Variants in EPS15 observed in about 807,000 individuals in gnomAD.
EPS15 encodes epidermal growth factor receptor pathway substrate 15.
In EPS15, 72 loss-of-function variants were observed where a neutral mutation model predicts 113.8. The observed-to-expected ratio is 0.63, with a 90% CI of 0.52 to 0.77. The LOEUF is 0.77. Ranked by LOEUF, EPS15 falls within the 30% of genes least tolerant of loss-of-function variation. The pLI is 0.00. For synonymous variants in EPS15, 344 were observed against 363.4 expected (o/e 0.95, Z 0.61); for missense variants, 1,048 against 1,045.8 (o/e 1.00, Z -0.03).
At chr1:51,421,529 G>T (rs978244676) in intron 13 of EPS15, among the ~76,000 whole-genome samples, 5 of 152,030 alleles carry the variant, frequency 3.3e-5, no homozygotes, top group Admixed American at 3.3e-4. Context: ...TAATATGCAG[G>T]TAAGTACCAT....
intron 20 of EPS15, among the ~76,000 whole-genome samples, chr1:51,396,797 T>A (rs1043031102): frequency 2.0e-5 from 3 of 152,170 alleles, no homozygotes; most frequent in Non-Finnish European, 4.4e-5. Context: ...TTTTAAAAAT[T>A]TCCAGATTGT....
In EPS15 at chr1:51,356,284, A is replaced by G. The variant is rs951286279; in HGVS notation, c.*416T>C. 1.9e-4 allele frequency: 43 copies of G among 226,150 alleles called. No homozygotes were observed. The highest frequency in any genetic ancestry group is 2.2e-5 in the African/African-American group (1 of 44,966). The allele number at this position is 226,150 out of a possible 1,614,324, so 14.0% of individuals were successfully genotyped here. A position where few individuals can be genotyped will look rare whatever the true frequency, so the allele number is the denominator to read the frequency against. On this transcript the variant is annotated 3_prime_UTR_variant, in exon 25 of 25. Transcript: ENST00000371733. ...CCCTTACCCTCACTCAACCATTCCA[A>G]TCAGGGGAGAATACTGCAAACTTTA...
intron 13 of EPS15, 95 bp from the exon 14 acceptor site, chr1:51,409,791 T>G: frequency 5.0e-6 from 4 of 803,270 alleles, no homozygotes; most frequent in East Asian, 2.6e-5. Context: ...GAATAAAGTC[T>G]TACTGAGTAT....
At chr1:51,510,975 G>C (rs1042433727) in intron 1 of EPS15, among the ~76,000 whole-genome samples, 2 of 152,052 alleles carry the variant, frequency 1.3e-5, no homozygotes, top group African/African-American at 4.8e-5. Context: ...AGACCAGCCT[G>C]GCCAACATGG....
chr1:51,489,410 C>T (rs1203119184), intron 1 of EPS15, among the ~76,000 whole-genome samples: 1 of 151,318 alleles, frequency 6.6e-6, no homozygotes, highest in East Asian at 1.9e-4. Flanking sequence ...CAATCTCCGC[C>T]TCCCGGGTTC....
At chr1:51,428,085 ATT>A (rs1651377516) in intron 12 of EPS15, among the ~76,000 whole-genome samples, 1 of 152,008 alleles carries the variant, frequency 6.6e-6, no homozygotes, top group Non-Finnish European at 1.5e-5. Context: ...GAAATGATAT[ATT>A]TAAAGTGCTG....
intron 21 of EPS15, among the ~76,000 whole-genome samples, chr1:51,371,698 G>C (rs897481090): frequency 1.3e-5 from 2 of 152,066 alleles, no homozygotes; most frequent in African/African-American, 4.8e-5. Context: ...TATTATTGAA[G>C]AAAAATGTTT....
intron 21 of EPS15, among the ~76,000 whole-genome samples, chr1:51,374,460 C>T (rs776612137): frequency 2.4e-4 from 36 of 151,930 alleles, no homozygotes; most frequent in South Asian, 1.0e-3. Context: ...AAAAATTAGC[C>T]GGGCGTGGTG....
rs561892432 is a variant in EPS15 at position 51,363,222 on chromosome 1, C to T, written c.2359+644G>A. ...CTGAGGCAGGAGAATCCCTTGAATC[C>T]GGGAGGCTGAGGTTACAGTGAGCTG... On this transcript the variant is annotated intron_variant, in intron 23 of 24. Coordinates refer to ENST00000371733, the MANE Select transcript of EPS15 (RefSeq NM_001981.3). Among the ~76,000 whole-genome samples the T allele has an allele frequency of 5.4e-5, 8 of 147,922 alleles. No homozygotes were observed. In the South Asian group the frequency reaches 1.5e-3, roughly 28 times the overall value.
chr1:51,366,104 TCCACCCAGC>T, intron 21 of EPS15, 75 bp from the exon 22 acceptor site: 4 of 983,658 alleles, frequency 4.1e-6, no homozygotes, highest in Non-Finnish European at 4.6e-6. Flanking sequence ...TCTCACTCTG[TCCACCCAGC>T]CTCAAGAGCA....
intron 1 of EPS15, among the ~76,000 whole-genome samples, chr1:51,484,621 G>C (rs1644086639): frequency 6.6e-6 from 1 of 152,090 alleles, no homozygotes. Context: ...CATCTTTCTT[G>C]TTCTGATTCT....
At chr1:51,508,587 C>T (rs1644565006) in intron 1 of EPS15, among the ~76,000 whole-genome samples, 1 of 152,130 alleles carries the variant, frequency 6.6e-6, no homozygotes, top group Admixed American at 6.5e-5. Context: ...TTGTCTTGTA[C>T]TATATCCAGT....
At chr1:51,422,199 G>A (rs992278972) in intron 12 of EPS15, 4 of 338,546 alleles carry the variant, frequency 1.2e-5, no homozygotes, top group African/African-American at 4.3e-5. Context: ...TAAAGAAAAG[G>A]AGGGGTTGCA....
At chr1:51,374,724 G>T (rs759331125) in intron 21 of EPS15, among the ~76,000 whole-genome samples, 57 of 152,194 alleles carry the variant, frequency 3.7e-4, no homozygotes, top group Non-Finnish European at 7.6e-4. Flanking sequence ...AGATCTCAAT[G>T]TGAGGCAAAA....
rs1646171798 is a variant in EPS15 at position 51,354,400 on chromosome 1, A to G, written c.*2300T>C. 5.6e-6 allele frequency: 1 copy of G among 180,132 alleles called. No homozygotes were observed. Among genetic ancestry groups the G allele is most frequent in the African/African-American group, 2.4e-5 (1 of 42,360 alleles). 11.2% of individuals were successfully genotyped at this position (180,132 alleles called of 1,614,324 possible). A position where few individuals can be genotyped will look rare whatever the true frequency, so the allele number is the denominator to read the frequency against. ...TAATCAGAGAACCATGCAAAACTCA[A>G]TTGCAAATTGGATATATGGATGGGA... is the stretch of plus-strand genomic sequence containing the variant. On this transcript the variant is annotated 3_prime_UTR_variant, in exon 25 of 25. Coordinates refer to ENST00000371733, the MANE Select transcript of EPS15 (RefSeq NM_001981.3).
intron 8 of EPS15, chr1:51,460,797 T>C: frequency 3.5e-6 from 1 of 288,928 alleles, no homozygotes. Flanking sequence ...CTTCAAAAGA[T>C]ACCAAAATTA....
At chr1:51,430,059 T>C (rs1022003365) in intron 12 of EPS15, among the ~76,000 whole-genome samples, 1 of 152,138 alleles carries the variant, frequency 6.6e-6, no homozygotes, top group Non-Finnish European at 1.5e-5. Flanking sequence ...TTCTTTCCTG[T>C]CTGGCTTGTG....
At chr1:51,488,622 C>T (rs1225217541) in intron 1 of EPS15, among the ~76,000 whole-genome samples, 2 of 152,058 alleles carry the variant, frequency 1.3e-5, no homozygotes, top group African/African-American at 2.4e-5. Context: ...AGACAGGATC[C>T]CACTCAGTCC....
intron 12 of EPS15, among the ~76,000 whole-genome samples, chr1:51,430,977 T>TACACATAC (rs1651666955): frequency 8.2e-6 from 1 of 122,028 alleles, no homozygotes; most frequent in Non-Finnish European, 1.7e-5. Flanking sequence ...ATTACTTACA[T>TACACATAC]ACACACACAC....
Sources: allele counts gnomAD v4.1 joint callset (sites outside exome capture counted in the v4.1 genomes callset), GRCh38; gene constraint gnomAD v4.1.1; transcripts MANE v1.5; gene names NCBI Gene and HGNC (gene_info 2026-07-23, HGNC 2026-07-21).